Variants in TMEM117 observed in about 807,000 individuals in gnomAD.
TMEM117 encodes transmembrane protein 117.
In TMEM117, 27 loss-of-function variants were observed where a neutral mutation model predicts 52.4. The observed-to-expected ratio is 0.51, with a 90% CI of 0.38 to 0.71. TMEM117 has a LOEUF of 0.71. Ranked by LOEUF, TMEM117 falls within the 30% of genes least tolerant of loss-of-function variation. The probability of loss-of-function intolerance (pLI) is 0.00; values close to 1 mark genes in which losing one functional copy is unlikely to be tolerated. For missense variants in TMEM117, 556 were observed against 630.5 expected, an observed-to-expected ratio of 0.88 and a Z score of 1.26; for synonymous variants, 215 against 206.3, an observed-to-expected ratio of 1.04 and a Z score of -0.36.
At chr12:44,339,256 T>G (rs1422012856) in intron 6 of TMEM117, among the ~76,000 whole-genome samples, 3 of 152,078 alleles carry the variant, frequency 2.0e-5, no homozygotes, top group Non-Finnish European at 2.9e-5. Flanking sequence ...CTTGCTAGAT[T>G]GCAGGTAGAA....
intron 3 of TMEM117, among the ~76,000 whole-genome samples, chr12:44,006,744 T>G (rs1360998916): frequency 6.7e-6 from 1 of 150,370 alleles, no homozygotes; most frequent in East Asian, 1.9e-4. Flanking sequence ...TCCACTTTCA[T>G]TTTTTTTTGT....
At chr12:43,950,098 A>G (rs117653304) in intron 3 of TMEM117, among the ~76,000 whole-genome samples, 3,328 of 152,318 alleles carry the variant, frequency 0.022, 47 homozygotes, top group Middle Eastern at 0.034. Flanking sequence ...GCATTTTCCA[A>G]TCAAAGGAAC....
In TMEM117 at chr12:44,311,829, A is replaced by ATG. The variant is rs1217016914; in HGVS notation, c.768+12092_768+12093dup. 2.8e-3 allele frequency among the ~76,000 whole-genome samples: 285 copies of ATG among 100,472 alleles called. 1 individual carries two copies. Among genetic ancestry groups the ATG allele is most frequent in the African/African-American group, 8.7e-3 (185 of 21,198 alleles). 65.9% of individuals were successfully genotyped at this position (100,472 alleles called of 152,430 possible). On this transcript the variant is annotated intron_variant, in intron 6 of 7. Transcript: ENST00000266534. ...TGTATATATGTATATATATGTATAT[A>ATG]TGTATATATGTATATATATGTATAT...
chr12:43,889,177 G>A (rs1944055868), intron 2 of TMEM117, among the ~76,000 whole-genome samples: 2 of 151,680 alleles, frequency 1.3e-5, no homozygotes, highest in Middle Eastern at 6.9e-3. Flanking sequence ...CCGCCTCCCG[G>A]GTACAAGCAA....
At chr12:44,184,818 T>C (rs530940205) in intron 4 of TMEM117, among the ~76,000 whole-genome samples, 1 of 152,332 alleles carries the variant, frequency 6.6e-6, no homozygotes, top group Admixed American at 6.5e-5. Context: ...AGCTAGAAAA[T>C]GCATGTTGTT....
chr12:43,959,097 G>A (rs562968844), intron 3 of TMEM117, among the ~76,000 whole-genome samples: 15 of 152,174 alleles, frequency 9.9e-5, no homozygotes, highest in South Asian at 4.1e-4. Context: ...GTGAGCCACC[G>A]CGCCCGGCCA....
intron 3 of TMEM117, among the ~76,000 whole-genome samples, chr12:44,022,710 G>A (rs1946474121): frequency 6.6e-6 from 1 of 152,088 alleles, no homozygotes; most frequent in African/African-American, 2.4e-5. Context: ...TGAAATATTA[G>A]GAAGGGATAA....
At chr12:43,823,207 A>G in the TMEM117 span, among the ~76,000 whole-genome samples, 2 of 152,214 alleles carry the variant, frequency 1.3e-5, no homozygotes, top group Non-Finnish European at 2.9e-5. Flanking sequence ...TACTTATACT[A>G]TTTCATTTAA....
At chr12:43,922,883 T>G (rs550287430) in intron 2 of TMEM117, among the ~76,000 whole-genome samples, 1 of 152,140 alleles carries the variant, frequency 6.6e-6, no homozygotes. Context: ...AAGACAGAAA[T>G]AAAGCCTGTG....
intron 7 of TMEM117, among the ~76,000 whole-genome samples, chr12:44,380,281 T>TG (rs1952002251): frequency 3.3e-5 from 5 of 152,022 alleles, no homozygotes; most frequent in Admixed American, 3.3e-4. Flanking sequence ...AGACTATGAT[T>TG]GGGGAAAGGT....
intron 3 of TMEM117, among the ~76,000 whole-genome samples, chr12:43,997,847 G>T (rs1486890585): frequency 6.6e-6 from 1 of 152,168 alleles, no homozygotes; most frequent in East Asian, 1.9e-4. Context: ...GAGCCTCAGA[G>T]AGCTTTTCTG....
intron 6 of TMEM117, among the ~76,000 whole-genome samples, chr12:44,347,677 G>C (rs1399312297): frequency 6.6e-6 from 1 of 151,954 alleles, no homozygotes; most frequent in Non-Finnish European, 1.5e-5. Context: ...TTTGTGTTCT[G>C]CTTACTAACA....
At chr12:44,043,719 C>T (rs114888434) in intron 3 of TMEM117, among the ~76,000 whole-genome samples, 1,592 of 152,126 alleles carry the variant, frequency 0.01, 27 homozygotes, top group African/African-American at 0.035. Flanking sequence ...CCAGTGGGCC[C>T]CTGGAAGTGA....
chr12:43,896,810 A>G (rs896838769), intron 2 of TMEM117, among the ~76,000 whole-genome samples: 2 of 152,114 alleles, frequency 1.3e-5, no homozygotes, highest in Non-Finnish European at 2.9e-5. Flanking sequence ...ACAGCTTATC[A>G]TTTTATCATA....
intron 7 of TMEM117, among the ~76,000 whole-genome samples, chr12:44,381,216 G>A (rs17094566): frequency 0.025 from 3,808 of 152,182 alleles, 61 homozygotes; most frequent in Middle Eastern, 0.058. Context: ...ATGGGCTTCA[G>A]TAACAAAGGG....
chr12:43,828,322 C>T, the TMEM117 span, among the ~76,000 whole-genome samples: 1 of 152,190 alleles, frequency 6.6e-6, no homozygotes, highest in Non-Finnish European at 1.5e-5. Flanking sequence ...TAATGGCATC[C>T]TAAAACTCAG....
chr12:44,265,698 T>A (rs1950369590), intron 5 of TMEM117, among the ~76,000 whole-genome samples: 1 of 152,176 alleles, frequency 6.6e-6, no homozygotes, highest in African/African-American at 2.4e-5. Flanking sequence ...TCTCTCTGAT[T>A]CTGAAACATT....
the TMEM117 span, chr12:43,799,623 G>T: frequency 1.9e-6 from 1 of 527,576 alleles, no homozygotes; most frequent in South Asian, 4.1e-5. Flanking sequence ...ATAGCATTAT[G>T]AATTTTAATA....
At chr12:43,837,736 C>T (rs11182294) in intron 1 of TMEM117, among the ~76,000 whole-genome samples, 23,893 of 152,198 alleles carry the variant, frequency 0.16, 3,573 homozygotes, top group African/African-American at 0.39. Context: ...TTATAATGTG[C>T]TCCGGCTCAT....
Sources: allele counts gnomAD v4.1 joint callset (sites outside exome capture counted in the v4.1 genomes callset), GRCh38; gene constraint gnomAD v4.1.1; transcripts MANE v1.5; gene names NCBI Gene and HGNC (gene_info 2026-07-23, HGNC 2026-07-21).